SLX4IP: variants seen among roughly 807,000 people sequenced by gnomAD.
SLX4IP encodes the protein protein SLX4IP.
SLX4IP carries 34 observed loss-of-function variants against 32.9 expected under a neutral mutation model. The observed-to-expected ratio is 1.03, with a 90% CI of 0.79 to 1.38. SLX4IP has a LOEUF of 1.38. Ranked by LOEUF, SLX4IP falls within the 40% of genes most tolerant of loss-of-function variation. The probability of loss-of-function intolerance (pLI) is 0.00; values close to 1 mark genes in which losing one functional copy is unlikely to be tolerated. For synonymous variants in SLX4IP, 172 were observed against 171.7 expected (o/e 1.00, Z -0.01); for missense variants, 444 against 479.0 (o/e 0.93, Z 0.68).
intron 2 of SLX4IP, among the ~76,000 whole-genome samples, chr20:10,504,392 C>T (rs1415300031): frequency 2.0e-5 from 3 of 152,078 alleles, no homozygotes; most frequent in South Asian, 2.1e-4. Context: ...CCTGGACCTT[C>T]GGTGAGGCAG....
intron 4 of SLX4IP, among the ~76,000 whole-genome samples, chr20:10,586,335 T>C (rs2066645089): frequency 6.6e-6 from 1 of 152,160 alleles, no homozygotes; most frequent in Non-Finnish European, 1.5e-5. Context: ...ATAGGCTGAA[T>C]GTGGAGGCAA....
chr20:10,448,495 A>G (rs1376178650), intron 1 of SLX4IP, among the ~76,000 whole-genome samples: 1 of 152,196 alleles, frequency 6.6e-6, no homozygotes, highest in Non-Finnish European at 1.5e-5. Flanking sequence ...TAGTCATTTT[A>G]TTATGTAAAA....
rs2067189447 is a variant in SLX4IP, at chr20:10,627,717, A to G, written c.*4338A>G. ...TACACCATATTACCTTATAATTGCC[A>G]TTACAGTTCCTTATCAAAAATGTTA... On this transcript the variant is annotated 3_prime_UTR_variant, in exon 8 of 8. Coordinates refer to ENST00000334534, the MANE Select transcript of SLX4IP (RefSeq NM_001009608.3). 1 of 152,258 alleles carries G rather than the reference A, an allele frequency of 6.6e-6. No individual in the cohort carries two copies. Among genetic ancestry groups the G allele is most frequent in the Non-Finnish European group, 1.5e-5 (1 of 68,044 alleles). 9.4% of individuals were successfully genotyped at this position (152,258 alleles called of 1,614,324 possible).
intron 2 of SLX4IP, among the ~76,000 whole-genome samples, chr20:10,466,435 T>C (rs548048549): frequency 2.6e-4 from 40 of 152,346 alleles, no homozygotes; most frequent in African/African-American, 8.9e-4. Flanking sequence ...GAGCTTTCTC[T>C]GCTGCTTCCC....
chr20:10,514,382 T>A (rs1406411934), intron 2 of SLX4IP, among the ~76,000 whole-genome samples: 1 of 152,248 alleles, frequency 6.6e-6, no homozygotes. Flanking sequence ...CTTCTTTCTC[T>A]GTTCTGTTAA....
rs2067171696 is a variant in SLX4IP at position 10,626,194 on chromosome 20, T to TTG, written c.*2816_*2817insGT. The TTG allele has an allele frequency of 7.0e-6, 1 of 143,174 alleles. No homozygotes were observed. Among genetic ancestry groups the TTG allele is most frequent in the Admixed American group, 6.9e-5 (1 of 14,410 alleles). The allele number at this position is 143,174 out of a possible 1,614,324, so 8.9% of individuals were successfully genotyped here. ...CACGCCCGGCTAATTTTTTGTATTT[T>TTG]TTTTTTTTTTTTTTTTTTTTTAGCA... On this transcript the variant is annotated 3_prime_UTR_variant, in exon 8 of 8. Coordinates refer to ENST00000334534, the MANE Select transcript of SLX4IP (RefSeq NM_001009608.3).
intron 2 of SLX4IP, among the ~76,000 whole-genome samples, chr20:10,480,465 G>A (rs532438710): frequency 2.0e-5 from 3 of 152,024 alleles, no homozygotes; most frequent in South Asian, 2.1e-4. Flanking sequence ...ACATCATTCC[G>A]GATGTGTACT....
intron 1 of SLX4IP, among the ~76,000 whole-genome samples, chr20:10,455,061 T>G (rs990692407): frequency 8.5e-5 from 13 of 152,226 alleles, no homozygotes; most frequent in African/African-American, 3.1e-4. Flanking sequence ...GAATGTCTAT[T>G]CAAATTCTTT....
At chr20:10,607,312 G>A (rs1451273741) in intron 6 of SLX4IP, among the ~76,000 whole-genome samples, 5 of 152,124 alleles carry the variant, frequency 3.3e-5, no homozygotes, top group African/African-American at 9.7e-5. Context: ...TGCTTCATTT[G>A]AGCTGTGGCC....
At chr20:10,460,241 T>C (rs1220536407) in intron 2 of SLX4IP, among the ~76,000 whole-genome samples, 2 of 152,242 alleles carry the variant, frequency 1.3e-5, no homozygotes, top group Non-Finnish European at 2.9e-5. Flanking sequence ...ATTTTTAATT[T>C]TCTTCTGGCA....
intron 1 of SLX4IP, among the ~76,000 whole-genome samples, chr20:10,436,873 T>C (rs1184392151): frequency 1.3e-5 from 2 of 152,090 alleles, no homozygotes; most frequent in African/African-American, 2.4e-5. Flanking sequence ...ACATCTGAAA[T>C]GTAGGGTTTT....
intron 3 of SLX4IP, among the ~76,000 whole-genome samples, chr20:10,559,264 G>A (rs898988684): frequency 1.3e-5 from 2 of 152,198 alleles, no homozygotes; most frequent in Non-Finnish European, 2.9e-5. Context: ...AAGCAGGAGA[G>A]AGGAAACCAG....
At chr20:10,526,012 G>A (rs1171463459) in intron 2 of SLX4IP, among the ~76,000 whole-genome samples, 1 of 152,122 alleles carries the variant, frequency 6.6e-6, no homozygotes, top group Admixed American at 6.5e-5. Flanking sequence ...ACTTCTCCAT[G>A]GAGTCCTCTC....
At position 10,613,700 on chromosome 20, in the gene SLX4IP, T is replaced by C. The variant is rs759558308; in HGVS notation, c.406-7614T>C. ...ATTCTTTGACAAAGGCGTTATAGGA[T>C]GGGACCTCTCCGGCGTCAATAGCTT... On this transcript the variant is annotated intron_variant, in intron 6 of 7. Transcript: ENST00000334534. 3 of 1,613,312 alleles carry C rather than the reference T, an allele frequency of 1.9e-6. No individual in the cohort carries two copies. In the African/African-American group the frequency reaches 4.0e-5, roughly 22 times the overall value.
intron 6 of SLX4IP, among the ~76,000 whole-genome samples, chr20:10,609,598 G>A (rs1482316635): frequency 2.6e-5 from 4 of 152,160 alleles, no homozygotes; most frequent in Admixed American, 6.5e-5. Context: ...CTCCTGGTTA[G>A]CCCTACTCCC....
In SLX4IP at chr20:10,622,551, G is replaced by A. The variant is rs1413601839; in HGVS notation, c.507-108G>A. ...ATTTGCTGGGGAAGCGAGAGGGCAGGTAGTGCCTGCCTCCTTTTTCAGGTG... is the reference window on the plus strand; with the variant it reads ...ATTTGCTGGGGAAGCGAGAGGGCAGATAGTGCCTGCCTCCTTTTTCAGGTG... On this transcript the variant is annotated intron_variant, in intron 7 of 7. Coordinates refer to ENST00000334534, the MANE Select transcript of SLX4IP (RefSeq NM_001009608.3). The A allele has an allele frequency of 6.1e-6, 9 of 1,465,158 alleles. No individual in the cohort carries two copies. The East Asian group carries it at 1.8e-4, about 30-fold the overall frequency. 90.8% of individuals were successfully genotyped at this position (1,465,158 alleles called of 1,614,324 possible).
Position 10,435,366 on chromosome 20 carries a change from G to A in SLX4IP, c.-117G>A, listed in dbSNP as rs2065099914. ...AGTTCCGGCTACCTGTGTAGTCCGA[G>A]TTTCCACAGCCAGGTACTACTCCGC... On this transcript the variant is annotated 5_prime_UTR_variant, in exon 1 of 8. Coordinates refer to ENST00000334534, the MANE Select transcript of SLX4IP (RefSeq NM_001009608.3). 1 of 152,198 alleles carries A rather than the reference G, an allele frequency of 6.6e-6. No homozygotes were observed. The highest frequency in any genetic ancestry group is 6.5e-5 in the Admixed American group (1 of 15,278). The allele number at this position is 152,198 out of a possible 1,614,324, so 9.4% of individuals were successfully genotyped here.
At position 10,513,665 on chromosome 20, in the gene SLX4IP, G is replaced by A. The variant is rs564222027; in HGVS notation, c.28-42566G>A. Among the ~76,000 whole-genome samples, 226 of 152,336 alleles carry A rather than the reference G, an allele frequency of 1.5e-3. 1 individual carries two copies. Among genetic ancestry groups the A allele is most frequent in the African/African-American group, 5.0e-3 (206 of 41,580 alleles). On this transcript the variant is annotated intron_variant, in intron 2 of 7. Coordinates refer to ENST00000334534, the MANE Select transcript of SLX4IP (RefSeq NM_001009608.3). ...GGAGGCTGCCTTTTGCATTAGAGCT[G>A]CCTCTGGCATTCCCAGGGTTTTGTC... is the stretch of plus-strand genomic sequence containing the variant.
chr20:10,537,684 C>G (rs1449453575), intron 2 of SLX4IP, among the ~76,000 whole-genome samples: 3 of 152,172 alleles, frequency 2.0e-5, no homozygotes, highest in African/African-American at 7.2e-5. Context: ...CATCTAATAT[C>G]ATGATCTCCT....
Sources: allele counts gnomAD v4.1 joint callset (sites outside exome capture counted in the v4.1 genomes callset), GRCh38; gene constraint gnomAD v4.1.1; transcripts MANE v1.5; gene names NCBI Gene and HGNC (gene_info 2026-07-23, HGNC 2026-07-21).